SLC1A3: variants seen among roughly 807,000 people sequenced by gnomAD.
SLC1A3 encodes the protein solute carrier family 1 member 3.
SLC1A3 carries 21 observed loss-of-function variants against 48.1 expected under a neutral mutation model. The observed-to-expected ratio is 0.44, with a 90% CI of 0.31 to 0.63. The LOEUF (loss-of-function observed/expected upper bound fraction) is 0.63. SLC1A3 is among the 20% of genes least tolerant of loss of function. The probability of loss-of-function intolerance (pLI) is 0.08; values close to 1 mark genes in which losing one functional copy is unlikely to be tolerated. For missense variants in SLC1A3, 546 were observed against 689.0 expected (o/e 0.79, Z 2.32); for synonymous variants, 239 against 251.4 (o/e 0.95, Z 0.47).
chr5:36,682,595 G>T (rs941297127), intron 8 of SLC1A3, among the ~76,000 whole-genome samples: 3 of 152,220 alleles, frequency 2.0e-5, no homozygotes, highest in Non-Finnish European at 2.9e-5. Flanking sequence ...CTTTCATGCA[G>T]CACAGCTCTG....
At position 36,676,949 on chromosome 5, in the gene SLC1A3, C is replaced by G. The variant is rs146815724; in HGVS notation, c.625C>G (p.Leu209Val). The G allele has an allele frequency of 3.1e-6, 5 of 1,613,984 alleles. No homozygotes were observed. The highest frequency in any genetic ancestry group is 4.2e-6 in the Non-Finnish European group (5 of 1,179,910). The change falls in exon 6 of 10, where the codon CTT (leucine) becomes GTT (valine). Residue 209 changes from leucine (L) to valine (V), a missense_variant. By Grantham distance (32) the Leu-to-Val change is conservative. Around this residue, in one of 3 missense-constraint regions of SLC1A3, gnomAD observed 348 missense variants for 392.0 expected, o/e 0.89. Coordinates refer to ENST00000265113, the MANE Select transcript of SLC1A3 (RefSeq NM_004172.5). ...FKVPIQANET[L>V]VGAVINNVSE... ...AGTGCCCATCCAGGCCAACGAAACG[C>G]TTGTGGGTGCTGTGATAAACAATGT...
chr5:36,608,331 G>C lies in SLC1A3; in HGVS notation c.-93G>C, dbSNP rs2111654958. 1.7e-6 allele frequency: 2 copies of C among 1,157,584 alleles called. No homozygotes were observed. The highest frequency in any genetic ancestry group is 3.8e-5 in the Admixed American group (2 of 52,902). 71.7% of individuals were successfully genotyped at this position (1,157,584 alleles called of 1,614,324 possible). A position where few individuals can be genotyped will look rare whatever the true frequency, so the allele number is the denominator to read the frequency against. On this transcript the variant is annotated splice_region_variant and 5_prime_UTR_variant, in exon 2 of 10. Transcript: ENST00000265113. ...TGTCTCTTTTTCTCCCATTCTAGTT[G>C]TGTTTTCTAATACCAAAGAGGAGGT... is the stretch of plus-strand genomic sequence containing the variant.
chr5:36,679,841 G>A lies in SLC1A3; in HGVS notation c.1075G>A (p.Ala359Thr), dbSNP rs373692891. Reference protein sequence around the residue: ...IGGLLQALITALGTSSSSATL... With the variant: ...IGGLLQALITTLGTSSSSATL... ...AGGGTTGCTGCAAGCACTCATCACCGCTCTGGGGACCTCTTCAAGGTATGT... is the reference window on the plus strand; with the variant it reads ...AGGGTTGCTGCAAGCACTCATCACCACTCTGGGGACCTCTTCAAGGTATGT... Residue 359 changes from alanine to threonine, a missense_variant, in exon 7 of 10, where the codon GCT becomes ACT. Around this residue, in one of 3 missense-constraint regions of SLC1A3, gnomAD observed 142 missense variants for 238.0 expected, o/e 0.60. Coordinates refer to ENST00000265113, the MANE Select transcript of SLC1A3 (RefSeq NM_004172.5). The A allele has an allele frequency of 3.0e-5, 48 of 1,613,112 alleles. No homozygotes were observed. The highest frequency in any genetic ancestry group is 3.9e-5 in the Non-Finnish European group (46 of 1,179,182).
chr5:36,661,296 C>T (rs1741505230), intron 3 of SLC1A3, among the ~76,000 whole-genome samples: 2 of 152,114 alleles, frequency 1.3e-5, no homozygotes, highest in South Asian at 4.1e-4. Context: ...CCTGTAATCC[C>T]AGCTACTTGG....
At chr5:36,653,745 T>C (rs1174797939) in intron 3 of SLC1A3, among the ~76,000 whole-genome samples, 2 of 152,242 alleles carry the variant, frequency 1.3e-5, no homozygotes, top group Non-Finnish European at 2.9e-5. Flanking sequence ...ACTAGGTCTT[T>C]CTAGAGCTCC....
chr5:36,670,881 T>G, intron 3 of SLC1A3, 148 bp from the exon 4 acceptor site: 1 of 725,104 alleles, frequency 1.4e-6, no homozygotes, highest in Non-Finnish European at 2.4e-6. Flanking sequence ...CTTGTGAGAT[T>G]TGGGGCCAGG....
At chr5:36,605,811 T>C (rs1738912673), upstream of SLC1A3, among the ~76,000 whole-genome samples, 3 of 152,216 alleles carry the variant, frequency 2.0e-5, no homozygotes, top group South Asian at 6.2e-4. Flanking sequence ...GCAATGAGAA[T>C]TTTTTAGCTC....
intron 2 of SLC1A3, among the ~76,000 whole-genome samples, chr5:36,625,057 C>T (rs1262501286): frequency 2.0e-5 from 3 of 152,222 alleles, no homozygotes; most frequent in Non-Finnish European, 2.9e-5. Context: ...AAAAGAGTAA[C>T]GGAAAGAGCA....
rs1447007811 is a variant in SLC1A3, at chr5:36,629,514, C to G, written c.246C>G (p.Ser82=). Residue 82 remains serine (S), a synonymous_variant, in exon 3 of 10, where the codon TCC becomes TCG. Transcript: ENST00000265113. ...GCTACCGGGAAGTCAAGTACTTCTC[C>G]TTTCCTGGGGAACTTCTGATGAGGA... ...RMSYREVKYF[S]FPGELLMRML... 6.2e-7 allele frequency: 1 copy of G among 1,612,154 alleles called. No homozygotes were observed. The highest frequency in any genetic ancestry group is 8.5e-7 in the Non-Finnish European group (1 of 1,179,128).
chr5:36,680,277 A>C, intron 7 of SLC1A3, 118 bp from the exon 8 acceptor site: 1 of 840,614 alleles, frequency 1.2e-6, no homozygotes, highest in Non-Finnish European at 2.0e-6. Flanking sequence ...TTGCTGACTT[A>C]GTTCCCTTTA....
In SLC1A3 at chr5:36,674,062, C is replaced by T; in HGVS notation, c.538C>T (p.Pro180Ser). Reference protein sequence around the residue: ...FLDLIRNMFPPNLVEACFKQF... With the variant: ...FLDLIRNMFPSNLVEACFKQF... Reference sequence around the variant, plus strand: ...CTTTCTTTGCAGGAACATGTTCCCTCCAAATCTGGTAGAAGCCTGCTTTAA... The same window carrying T: ...CTTTCTTTGCAGGAACATGTTCCCTTCAAATCTGGTAGAAGCCTGCTTTAA... The change falls in exon 5 of 10, where the codon CCA (proline) becomes TCA (serine). Residue 180 changes from proline (P) to serine (S), a missense_variant. Pro to Ser is a moderately conservative substitution (Grantham distance 74). This residue lies in a region of SLC1A3 where 348 missense variants were observed against 392.0 expected (regional missense o/e 0.89). Coordinates refer to ENST00000265113, the MANE Select transcript of SLC1A3 (RefSeq NM_004172.5). 1 of 1,613,374 alleles carries T rather than the reference C, an allele frequency of 6.2e-7. No homozygotes were observed. Among genetic ancestry groups the T allele is most frequent in the Non-Finnish European group, 8.5e-7 (1 of 1,179,418 alleles).
chr5:36,636,970 G>T (rs1317602352), intron 3 of SLC1A3, among the ~76,000 whole-genome samples: 1 of 152,086 alleles, frequency 6.6e-6, no homozygotes, highest in Admixed American at 6.5e-5. Flanking sequence ...TCCACCTATT[G>T]GTCCTAATTG....
chr5:36,638,445 C>T (rs143815040), intron 3 of SLC1A3, among the ~76,000 whole-genome samples: 177 of 152,300 alleles, frequency 1.2e-3, no homozygotes, highest in Non-Finnish European at 2.1e-3. Flanking sequence ...GAATTCTTTA[C>T]CTACTTCAAA....
Position 36,688,267 on chromosome 5 carries a change from CAG to C in SLC1A3, c.*1999_*2000del, listed in dbSNP as rs1228731155. 9 of 152,202 alleles carry C rather than the reference CAG, an allele frequency of 5.9e-5. No homozygotes were observed. Among genetic ancestry groups the C allele is most frequent in the African/African-American group, 2.2e-4 (9 of 41,442 alleles). The allele number at this position is 152,202 out of a possible 1,614,324, so 9.4% of individuals were successfully genotyped here. On this transcript the variant is annotated 3_prime_UTR_variant, in exon 10 of 10. Transcript: ENST00000265113. ...CACAGGCTCTGCATACACATGCACTCAGTGTGGACTGGGAAGCATTACTTTGT... is the reference window on the plus strand; with the variant it reads ...CACAGGCTCTGCATACACATGCACTCTGTGGACTGGGAAGCATTACTTTGT...
At chr5:36,642,560 G>T (rs965380416) in intron 3 of SLC1A3, among the ~76,000 whole-genome samples, 1 of 152,094 alleles carries the variant, frequency 6.6e-6, no homozygotes, top group Non-Finnish European at 1.5e-5. Context: ...GGTTTATTGA[G>T]ATATAACTCA....
At chr5:36,632,205 C>A (rs1181165212) in intron 3 of SLC1A3, among the ~76,000 whole-genome samples, 1 of 152,206 alleles carries the variant, frequency 6.6e-6, no homozygotes, top group African/African-American at 2.4e-5. Flanking sequence ...AGGGCCAGAT[C>A]TTCCTGTTTT....
chr5:36,658,985 C>A (rs1359550867), intron 3 of SLC1A3, among the ~76,000 whole-genome samples: 1 of 128,652 alleles, frequency 7.8e-6, no homozygotes, highest in Admixed American at 8.3e-5. Flanking sequence ...TTACAACCTA[C>A]CCATTTTTTT....
intron 3 of SLC1A3, among the ~76,000 whole-genome samples, chr5:36,642,884 T>C (rs1258212171): frequency 6.6e-6 from 1 of 152,234 alleles, no homozygotes; most frequent in East Asian, 1.9e-4. Flanking sequence ...GTGTTGTATA[T>C]ATCAGTACTT....
chr5:36,608,679 T>C, intron 2 of SLC1A3, 75 bp downstream of exon 2: 2 of 1,591,516 alleles, frequency 1.3e-6, no homozygotes, highest in East Asian at 4.5e-5. Flanking sequence ...GGGAATATTA[T>C]CAGATGAACT....
Sources: gnomAD v4.1 joint callset for allele counts (sites outside exome capture counted in the v4.1 genomes callset) on GRCh38, gnomAD v4.1.1 for gene constraint, gnomAD v4.1.1 regional missense constraint, MANE v1.5 for transcripts, NCBI Gene and HGNC (gene_info 2026-07-23, HGNC 2026-07-21) for gene names.